The following INSL6 variants were observed in gnomAD, a reference collection of about 807,000 sequenced individuals.
INSL6 encodes insulin-like peptide INSL6.
A neutral mutation model predicts 9.4 loss-of-function variants in INSL6; 16 were observed. That is an observed-to-expected ratio of 1.70 (90% CI 1.15 to 2.59). The LOEUF (loss-of-function observed/expected upper bound fraction) is 2.59, where lower values mean the gene tolerates loss of function less well. Ranked by LOEUF, INSL6 falls within the 30% of genes most tolerant of loss-of-function variation. INSL6 has a pLI of 0.00. For missense variants in INSL6, 391 were observed against 257.3 expected, an observed-to-expected ratio of 1.52 and a Z score of -3.56; for synonymous variants, 154 against 96.9, an observed-to-expected ratio of 1.59 and a Z score of -3.46.
Position 5,127,451 on chromosome 9 carries a change from A to G in INSL6, c.*11-2940T>C, listed in dbSNP as rs150306172. 6.9e-5 allele frequency: 16 copies of G among 231,524 alleles called. No individual in the cohort carries two copies. In the East Asian group the frequency reaches 9.2e-4, roughly 13 times the overall value. 14.3% of individuals were successfully genotyped at this position (231,524 alleles called of 1,614,324 possible). A position where few individuals can be genotyped will look rare whatever the true frequency, so the allele number is the denominator to read the frequency against. On this transcript the variant is annotated intron_variant, in intron 3 of 3. Coordinates refer to the INSL6 transcript ENST00000649639. ...GGAACAAATGTCTAGTTTTATTTGT[A>G]TAGGAAATTTCCCTGACCCTAAATA... is the stretch of plus-strand genomic sequence containing the variant.
chr9:5,046,233 T>G, the INSL6 span, among the ~76,000 whole-genome samples: 1 of 152,184 alleles, frequency 6.6e-6, no homozygotes, highest in East Asian at 1.9e-4. Context: ...AGATGTCTAC[T>G]GAAGTCCTTT....
chr9:5,093,310 C>T, the INSL6 span, among the ~76,000 whole-genome samples: 4 of 152,160 alleles, frequency 2.6e-5, no homozygotes, highest in African/African-American at 9.7e-5. Flanking sequence ...TCTAGCATTA[C>T]CAGTATTAGA....
chr9:5,092,511 T>C, the INSL6 span, among the ~76,000 whole-genome samples: 6 of 152,042 alleles, frequency 3.9e-5, no homozygotes, highest in Non-Finnish European at 7.3e-5. Flanking sequence ...AAAAATACTA[T>C]TAAACCATCG....
the INSL6 span, among the ~76,000 whole-genome samples, chr9:5,105,597 G>T: frequency 2.6e-5 from 4 of 152,100 alleles, no homozygotes; most frequent in African/African-American, 4.8e-5. Flanking sequence ...AAAAGAGCCT[G>T]CATTGCCAAG....
the INSL6 span, among the ~76,000 whole-genome samples, chr9:5,116,304 A>T: frequency 6.6e-6 from 1 of 152,320 alleles, no homozygotes; most frequent in Non-Finnish European, 1.5e-5. Context: ...TAACCATGAT[A>T]ATGCTTTAAT....
the INSL6 span, among the ~76,000 whole-genome samples, chr9:4,993,933 G>T: frequency 3.9e-5 from 6 of 152,158 alleles, no homozygotes; most frequent in Non-Finnish European, 1.5e-5. Flanking sequence ...GTGTCTAAAT[G>T]GTCTCAGACT....
chr9:4,997,189 C>T, the INSL6 span, among the ~76,000 whole-genome samples: 1 of 152,042 alleles, frequency 6.6e-6, no homozygotes, highest in Non-Finnish European at 1.5e-5. Flanking sequence ...GCATCAGCCT[C>T]CCAAAGTGCT....
At chr9:5,053,398 T>C in the INSL6 span, among the ~76,000 whole-genome samples, 4 of 152,140 alleles carry the variant, frequency 2.6e-5, no homozygotes, top group African/African-American at 9.6e-5. Flanking sequence ...ATCATATTTA[T>C]GATTTGCCAT....
downstream of INSL6, chr9:5,123,186 GGTACAA>G (rs1410928619): frequency 1.8e-6 from 2 of 1,118,286 alleles, no homozygotes; most frequent in East Asian, 2.4e-5. Context: ...AAATTTATGG[GGTACAA>G]GTACAATTTT....
intron 1 of INSL6, among the ~76,000 whole-genome samples, chr9:5,167,260 G>A (rs1343501120): frequency 6.6e-6 from 1 of 152,218 alleles, no homozygotes; most frequent in African/African-American, 2.4e-5. Context: ...TGGGGATCAG[G>A]AGGTCCCCTC....
chr9:5,112,879 G>A, the INSL6 span: 5 of 416,258 alleles, frequency 1.2e-5, no homozygotes, highest in Non-Finnish European at 2.0e-5. Context: ...CGAGCCACCC[G>A]CCCTCAGCCC....
At chr9:5,133,891 A>G (rs1209801021) in intron 2 of INSL6, among the ~76,000 whole-genome samples, 1 of 152,016 alleles carries the variant, frequency 6.6e-6, no homozygotes, top group Non-Finnish European at 1.5e-5. Flanking sequence ...GTAATTACAA[A>G]CTCCTCTGAG....
the INSL6 span, chr9:5,078,532 C>T: frequency 1.0e-6 from 1 of 972,730 alleles, no homozygotes; most frequent in East Asian, 2.5e-5. Context: ...CCTTGAATTC[C>T]ATTTAATTTG....
At chr9:5,028,014 T>C in the INSL6 span, among the ~76,000 whole-genome samples, 2 of 152,232 alleles carry the variant, frequency 1.3e-5, no homozygotes, top group African/African-American at 4.8e-5. Context: ...CCTCCTCTCA[T>C]GAACTACAAA....
At chr9:5,115,966 T>C in the INSL6 span, among the ~76,000 whole-genome samples, 1 of 152,038 alleles carries the variant, frequency 6.6e-6, no homozygotes, top group Non-Finnish European at 1.5e-5. Flanking sequence ...AGTTGATGGG[T>C]TGATGGGTGC....
At chr9:5,168,625 C>T (rs889620954) in intron 1 of INSL6, among the ~76,000 whole-genome samples, 3 of 151,756 alleles carry the variant, frequency 2.0e-5, no homozygotes, top group Non-Finnish European at 2.9e-5. Flanking sequence ...CTGAACAAGA[C>T]GGGGAGAACA....
At chr9:5,090,391 T>C in the INSL6 span, 23 of 1,263,990 alleles carry the variant, frequency 1.8e-5, no homozygotes, top group Non-Finnish European at 2.4e-5. Context: ...TTTTCTAATA[T>C]TTAATCAGTA....
intron 1 of INSL6, among the ~76,000 whole-genome samples, chr9:5,167,643 T>C (rs926250850): frequency 5.9e-5 from 9 of 152,144 alleles, no homozygotes; most frequent in African/African-American, 1.9e-4. Context: ...AGGAGGAGGG[T>C]TGGCCACGCT....
the INSL6 span, chr9:5,108,694 C>T: frequency 6.6e-6 from 1 of 151,910 alleles, no homozygotes; most frequent in Non-Finnish European, 1.5e-5. Context: ...GAATATATAG[C>T]CTACCCCTTC....
Sources: allele counts gnomAD v4.1 joint callset (sites outside exome capture counted in the v4.1 genomes callset), GRCh38; gene constraint gnomAD v4.1.1; transcripts MANE v1.5; gene names NCBI Gene and HGNC (gene_info 2026-07-23, HGNC 2026-07-21).